Variants in DENND2B observed in about 807,000 individuals in gnomAD.
DENND2B encodes DENN domain-containing protein 2B.
In DENND2B, 32 loss-of-function variants were observed where a neutral mutation model predicts 116.0. The observed-to-expected ratio is 0.28, with a 90% CI of 0.21 to 0.37. DENND2B has a LOEUF of 0.37. Ranked by LOEUF, DENND2B falls within the 10% of genes least tolerant of loss-of-function variation. The pLI, the probability that DENND2B is intolerant of heterozygous loss-of-function variation, is 1.00. For synonymous variants in DENND2B, 588 were observed against 583.9 expected, an observed-to-expected ratio of 1.01 and a Z score of -0.10; for missense variants, 1,276 against 1,477.7, an observed-to-expected ratio of 0.86 and a Z score of 2.24.
intron 3 of DENND2B, among the ~76,000 whole-genome samples, chr11:8,849,214 C>A (rs34152382): frequency 0.21 from 32,005 of 151,970 alleles, 3,839 homozygotes; most frequent in Middle Eastern, 0.36. Context: ...TACTACAGGC[C>A]GGGCGCGGTG....
chr11:8,786,008 C>T (rs372790363), intron 1 of DENND2B, among the ~76,000 whole-genome samples: 2 of 152,160 alleles, frequency 1.3e-5, no homozygotes, highest in Non-Finnish European at 2.9e-5. Context: ...TTACAGAACT[C>T]GGGGTCTTGA....
chr11:8,867,575 T>C (rs900904106), intron 2 of DENND2B, among the ~76,000 whole-genome samples: 8 of 131,732 alleles, frequency 6.1e-5, no homozygotes, highest in Non-Finnish European at 6.6e-5. Context: ...AAATTCAGCT[T>C]TTTTTTTTTT....
chr11:8,718,213 A>G (rs2045408221), intron 4 of DENND2B: 3 of 838,830 alleles, frequency 3.6e-6, no homozygotes, highest in Non-Finnish European at 5.8e-6. Context: ...CAGCCAGAGG[A>G]CAAAGCCAGC....
chr11:8,858,982 G>C (rs1041946382), intron 2 of DENND2B, among the ~76,000 whole-genome samples: 1 of 152,126 alleles, frequency 6.6e-6, no homozygotes, highest in South Asian at 2.1e-4. Context: ...CAAAGCCAGG[G>C]AATCACCTAA....
intron 11 of DENND2B, among the ~76,000 whole-genome samples, chr11:8,709,322 GT>G (rs1392737881): frequency 6.6e-6 from 1 of 152,172 alleles, no homozygotes; most frequent in Non-Finnish European, 1.5e-5. Context: ...CAGAATCATT[GT>G]GTCCAATCTG....
intron 1 of DENND2B, among the ~76,000 whole-genome samples, chr11:8,881,563 T>C (rs972528316): frequency 1.3e-5 from 2 of 152,204 alleles, no homozygotes; most frequent in South Asian, 4.1e-4. Flanking sequence ...TTTGAGACAG[T>C]CTCACTCTGT....
intron 2 of DENND2B, among the ~76,000 whole-genome samples, chr11:8,865,101 G>C (rs896810108): frequency 7.2e-6 from 1 of 138,622 alleles, no homozygotes; most frequent in African/African-American, 2.6e-5. Context: ...CTAACAAAGG[G>C]TTAAGCAGAT....
At chr11:8,706,831 A>G (rs1480732343) in intron 13 of DENND2B, among the ~76,000 whole-genome samples, 1 of 152,228 alleles carries the variant, frequency 6.6e-6, no homozygotes, top group Non-Finnish European at 1.5e-5. Context: ...TGTTCAATGA[A>G]TGAACAAAAG....
rs1225886849 is a variant in DENND2B at position 8,910,927 on chromosome 11, C to T, written c.-362G>A. 1.3e-4 allele frequency: 4 copies of T among 30,700 alleles called. No homozygotes were observed. In the South Asian group the frequency reaches 8.8e-3, roughly 68 times the overall value. 1.9% of individuals were successfully genotyped at this position (30,700 alleles called of 1,614,324 possible). Reference sequence around the variant, plus strand: ...CTGCTGGCTCGACTCAGTCCTCAGCCCCCAGCCCCCGACCCCCGACCCCCG... The same window carrying T: ...CTGCTGGCTCGACTCAGTCCTCAGCTCCCAGCCCCCGACCCCCGACCCCCG... On this transcript the variant is annotated 5_prime_UTR_variant, in exon 1 of 23. Coordinates refer to the DENND2B transcript ENST00000534127.
chr11:8,888,204 G>T (rs975435981), intron 1 of DENND2B, among the ~76,000 whole-genome samples: 1 of 152,142 alleles, frequency 6.6e-6, no homozygotes, highest in Non-Finnish European at 1.5e-5. Flanking sequence ...TGTAGTGGAC[G>T]CTACCCATGA....
At chr11:8,869,309 C>T (rs2063693316) in intron 2 of DENND2B, among the ~76,000 whole-genome samples, 1 of 152,234 alleles carries the variant, frequency 6.6e-6, no homozygotes, top group South Asian at 2.1e-4. Flanking sequence ...TAACATTTCC[C>T]ATACATACAC....
chr11:8,718,842 C>G, intron 4 of DENND2B: 1 of 997,704 alleles, frequency 1.0e-6, no homozygotes, highest in Admixed American at 5.3e-5. Context: ...GTATCTCCTG[C>G]CCCCACCCCT....
intron 13 of DENND2B, among the ~76,000 whole-genome samples, chr11:8,703,883 A>G (rs559291821): frequency 6.6e-6 from 1 of 152,234 alleles, no homozygotes; most frequent in South Asian, 2.1e-4. Context: ...GTACACCCCA[A>G]ATGGTCAGTG....
At chr11:8,826,498 A>T (rs1416023124) in intron 4 of DENND2B, among the ~76,000 whole-genome samples, 1 of 152,218 alleles carries the variant, frequency 6.6e-6, no homozygotes. Context: ...TTCTTCAGGG[A>T]TTGCTGGGAT....
At chr11:8,750,273 T>C (rs1380132002) in intron 2 of DENND2B, among the ~76,000 whole-genome samples, 2 of 152,170 alleles carry the variant, frequency 1.3e-5, no homozygotes, top group Non-Finnish European at 2.9e-5. Flanking sequence ...CTTAGCCCAA[T>C]GTGGTCAGCC....
chr11:8,845,190 C>T (rs1045984718), intron 3 of DENND2B: 1 of 152,030 alleles, frequency 6.6e-6, no homozygotes, highest in Admixed American at 6.5e-5. Flanking sequence ...ATTCAAAATG[C>T]ATTAATTTTT....
chr11:8,815,075 GC>G (rs199620364), upstream of DENND2B, among the ~76,000 whole-genome samples: 97 of 152,044 alleles, frequency 6.4e-4, no homozygotes, highest in Non-Finnish European at 4.9e-4. Flanking sequence ...CCACTCACAG[GC>G]CTCCACCACC....
Position 8,730,457 on chromosome 11 carries a change from C to CGAG in DENND2B, c.832_833insCTC (p.Ser278delinsThrArg), listed in dbSNP as rs764731973. 6.2e-7 allele frequency: 1 copy of CGAG among 1,611,096 alleles called. No individual in the cohort carries two copies. The highest frequency in any genetic ancestry group is 1.7e-5 in the Admixed American group (1 of 60,034). Reference sequence around the variant, plus strand: ...CTGGATCCGGCTCAGCACTGCTGAGCTCTCCTTCCTGCTGCCATGCCCCCT... The same window carrying CGAG: ...CTGGATCCGGCTCAGCACTGCTGAGCGAGTCTCCTTCCTGCTGCCATGCCCCCT... On this transcript the variant is annotated protein_altering_variant, in exon 3 of 20. Coordinates refer to ENST00000313726, the MANE Select transcript of DENND2B (RefSeq NM_213618.2). This position sits in a 1 kb window ranked among gnomAD's most constrained non-coding sequence, Gnocchi z 4.1.
At chr11:8,876,025 G>C (rs764827706), upstream of DENND2B, among the ~76,000 whole-genome samples, 1 of 152,144 alleles carries the variant, frequency 6.6e-6, no homozygotes, top group Non-Finnish European at 1.5e-5. Context: ...AATAAATGTA[G>C]TACTCCTGGT....
Sources: gnomAD v4.1 joint callset for allele counts (sites outside exome capture counted in the v4.1 genomes callset) on GRCh38, gnomAD v4.1.1 for gene constraint, Gnocchi (gnomAD v3.1) non-coding constraint, MANE v1.5 for transcripts, NCBI Gene and HGNC (gene_info 2026-07-23, HGNC 2026-07-21) for gene names.